Variants in PRKCA observed in about 807,000 individuals in gnomAD.
PRKCA encodes protein kinase C alpha.
Under a neutral mutation model 87.0 loss-of-function variants are expected in PRKCA, and 27 were observed. That is an observed-to-expected ratio of 0.31 (90% confidence interval 0.23 to 0.43). The LOEUF (loss-of-function observed/expected upper bound fraction) is 0.43, where lower values mean the gene tolerates loss of function less well. Ranked by LOEUF, PRKCA falls within the 20% of genes least tolerant of loss-of-function variation. PRKCA has a pLI of 1.00. For missense variants in PRKCA, 518 were observed against 852.3 expected (o/e 0.61, Z 4.88); for synonymous variants, 329 against 311.1 (o/e 1.06, Z -0.61).
intron 2 of PRKCA, among the ~76,000 whole-genome samples, chr17:66,432,831 A>G (rs1913167716): frequency 6.6e-6 from 1 of 152,126 alleles, no homozygotes; most frequent in Non-Finnish European, 1.5e-5. Context: ...CAAAACCCCC[A>G]CCTTTGCAGT....
intron 8 of PRKCA, among the ~76,000 whole-genome samples, chr17:66,724,342 A>G (rs1018993261): frequency 6.6e-6 from 1 of 151,420 alleles, no homozygotes; most frequent in Non-Finnish European, 1.5e-5. Flanking sequence ...CTGAAAGGAG[A>G]TTCCTCCTGG....
At chr17:66,685,685 G>GT (rs2144024737) in intron 5 of PRKCA, among the ~76,000 whole-genome samples, 1 of 152,288 alleles carries the variant, frequency 6.6e-6, no homozygotes, top group South Asian at 2.1e-4. Context: ...TCTTAGGGCT[G>GT]TACCTCCCTC....
chr17:66,592,433 A>G, intron 3 of PRKCA, among the ~76,000 whole-genome samples: 1 of 152,114 alleles, frequency 6.6e-6, no homozygotes. Flanking sequence ...CAAAAAATAG[A>G]AAAAGAAAGG....
intron 16 of PRKCA, chr17:66,796,595 G>A: frequency 5.1e-6 from 5 of 985,248 alleles, no homozygotes; most frequent in Non-Finnish European, 6.0e-6. Context: ...CATGCACGTA[G>A]CCCGTTCCCT....
chr17:66,505,830 C>T (rs1375158081), intron 3 of PRKCA, among the ~76,000 whole-genome samples: 1 of 151,476 alleles, frequency 6.6e-6, no homozygotes, highest in African/African-American at 2.4e-5. Context: ...GTCTCCGGGG[C>T]ACTTTTATTT....
intron 8 of PRKCA, among the ~76,000 whole-genome samples, chr17:66,696,989 C>G (rs1972940216): frequency 6.6e-6 from 1 of 152,174 alleles, no homozygotes. Context: ...TGTGCTCTGC[C>G]TTAGAACCTC....
At chr17:66,651,159 G>T (rs574546566) in intron 5 of PRKCA, among the ~76,000 whole-genome samples, 1 of 152,182 alleles carries the variant, frequency 6.6e-6, no homozygotes, top group African/African-American at 2.4e-5. Flanking sequence ...GATGCAGAGT[G>T]TGTTCAGGAA....
At chr17:66,680,511 G>C (rs1432586668) in intron 5 of PRKCA, among the ~76,000 whole-genome samples, 1 of 152,216 alleles carries the variant, frequency 6.6e-6, no homozygotes, top group Non-Finnish European at 1.5e-5. Flanking sequence ...AAGCAAAACA[G>C]ATCATTTGGA....
chr17:66,345,158 T>C (rs2143382816), intron 2 of PRKCA, among the ~76,000 whole-genome samples: 1 of 152,342 alleles, frequency 6.6e-6, no homozygotes, highest in East Asian at 1.9e-4. Flanking sequence ...TACCTTATCT[T>C]GCTTTGGAAA....
At chr17:66,404,306 C>T (rs1181674671) in intron 2 of PRKCA, 1 of 152,182 alleles carries the variant, frequency 6.6e-6, no homozygotes, top group Admixed American at 6.5e-5. Flanking sequence ...GAAATCTCCT[C>T]TGCTTCTAGG....
At chr17:66,772,843 T>C (rs1343292041) in intron 13 of PRKCA, among the ~76,000 whole-genome samples, 1 of 152,140 alleles carries the variant, frequency 6.6e-6, no homozygotes, top group Non-Finnish European at 1.5e-5. Flanking sequence ...ATTTGCCAAC[T>C]CATTTCATTT....
At chr17:66,780,360 C>T (rs1397688408) in intron 14 of PRKCA, among the ~76,000 whole-genome samples, 5 of 151,016 alleles carry the variant, frequency 3.3e-5, no homozygotes, top group African/African-American at 1.2e-4. Flanking sequence ...AAAAAAACTC[C>T]AAATTATGCA....
intron 3 of PRKCA, among the ~76,000 whole-genome samples, chr17:66,534,572 C>T (rs1001674301): frequency 1.3e-4 from 20 of 152,222 alleles, no homozygotes; most frequent in African/African-American, 4.6e-4. Context: ...GAGGCTGAGG[C>T]AGGAGAATGG....
At chr17:66,435,315 C>G (rs183002010) in intron 2 of PRKCA, among the ~76,000 whole-genome samples, 49 of 152,308 alleles carry the variant, frequency 3.2e-4, no homozygotes, top group African/African-American at 1.1e-3. Flanking sequence ...CAGTTTGAGA[C>G]TTTTCTTTCC....
intron 2 of PRKCA, among the ~76,000 whole-genome samples, chr17:66,451,100 C>G (rs1050151017): frequency 6.6e-6 from 1 of 152,162 alleles, no homozygotes; most frequent in Non-Finnish European, 1.5e-5. Context: ...TCTGTTCTCT[C>G]TTTGACTCTA....
intron 14 of PRKCA, among the ~76,000 whole-genome samples, chr17:66,781,213 G>T (rs1168959646): frequency 6.6e-6 from 1 of 152,238 alleles, no homozygotes; most frequent in Non-Finnish European, 1.5e-5. Flanking sequence ...TGGCTCAGTA[G>T]GATTGTACTT....
intron 3 of PRKCA, among the ~76,000 whole-genome samples, chr17:66,573,375 TG>T (rs2065328687): frequency 6.6e-6 from 1 of 152,226 alleles, no homozygotes; most frequent in African/African-American, 2.4e-5. Flanking sequence ...AAAATCTCCA[TG>T]ACTGAATTAT....
At chr17:66,383,007 T>C (rs181562084) in intron 2 of PRKCA, among the ~76,000 whole-genome samples, 37 of 152,354 alleles carry the variant, frequency 2.4e-4, no homozygotes, top group African/African-American at 7.9e-4. Context: ...TATACGTAAC[T>C]GTGTACTTAG....
intron 2 of PRKCA, among the ~76,000 whole-genome samples, chr17:66,491,951 C>G (rs1434824228): frequency 1.3e-5 from 2 of 152,220 alleles, no homozygotes; most frequent in African/African-American, 2.4e-5. Flanking sequence ...CTTTCCTGTT[C>G]CCCTCACGGT....
Sources: gnomAD v4.1 joint callset for allele counts (sites outside exome capture counted in the v4.1 genomes callset) on GRCh38, gnomAD v4.1.1 for gene constraint, MANE v1.5 for transcripts, NCBI Gene and HGNC (gene_info 2026-07-23, HGNC 2026-07-21) for gene names.